PTPRD: variants seen among roughly 807,000 people sequenced by gnomAD.
PTPRD encodes the protein protein tyrosine phosphatase receptor type D.
In PTPRD, 34 loss-of-function variants were observed where a neutral mutation model predicts 214.5. That is an observed-to-expected ratio of 0.16 (90% confidence interval 0.12 to 0.21). The LOEUF (loss-of-function observed/expected upper bound fraction) is 0.21. Ranked by LOEUF, PTPRD falls within the 10% of genes least tolerant of loss-of-function variation. The pLI, the probability that PTPRD is intolerant of heterozygous loss-of-function variation, is 1.00. For synonymous variants in PTPRD, 1,128 were observed against 845.7 expected, an observed-to-expected ratio of 1.33 and a Z score of -5.79; for missense variants, 2,545 against 2,398.7, an observed-to-expected ratio of 1.06 and a Z score of -1.27.
intron 44 of PTPRD, among the ~76,000 whole-genome samples, chr9:8,324,337 G>A (rs1316584332): frequency 1.3e-5 from 2 of 151,608 alleles, no homozygotes; most frequent in Non-Finnish European, 1.5e-5. Context: ...ACTTATAAGT[G>A]AGAATATGCG....
At chr9:9,049,541 G>C (rs951428510) in intron 10 of PTPRD, among the ~76,000 whole-genome samples, 1 of 152,160 alleles carries the variant, frequency 6.6e-6, no homozygotes, top group Non-Finnish European at 1.5e-5. Flanking sequence ...ATGGGATGTG[G>C]AGGTTGCTAA....
chr9:9,615,798 C>T (rs754041609), intron 7 of PTPRD, among the ~76,000 whole-genome samples: 17 of 152,084 alleles, frequency 1.1e-4, no homozygotes, highest in Non-Finnish European at 1.2e-4. Context: ...TTATAATCCA[C>T]ATTTTACAGA....
chr9:9,311,989 C>A (rs899256876), intron 9 of PTPRD, among the ~76,000 whole-genome samples: 4 of 152,180 alleles, frequency 2.6e-5, no homozygotes. Flanking sequence ...GCAATATACA[C>A]TGCAGTTTTA....
At chr9:9,897,977 T>C (rs1390769363) in intron 5 of PTPRD, among the ~76,000 whole-genome samples, 1 of 151,578 alleles carries the variant, frequency 6.6e-6, no homozygotes, top group Admixed American at 6.6e-5. Flanking sequence ...AGCATGGCTA[T>C]GTTTAAATAA....
At chr9:9,543,532 GAT>G (rs1171141459) in intron 8 of PTPRD, among the ~76,000 whole-genome samples, 3 of 151,392 alleles carry the variant, frequency 2.0e-5, no homozygotes, top group African/African-American at 7.3e-5. Flanking sequence ...ATTGACTTAA[GAT>G]TTACTAAGTT....
intron 7 of PTPRD, among the ~76,000 whole-genome samples, chr9:9,671,428 G>A (rs1341457486): frequency 1.4e-5 from 2 of 142,494 alleles, no homozygotes; most frequent in Admixed American, 6.9e-5. Context: ...GGACTTTTAG[G>A]TTAATGCTGA....
At chr9:9,614,849 G>A (rs183508146) in intron 7 of PTPRD, among the ~76,000 whole-genome samples, 3 of 152,242 alleles carry the variant, frequency 2.0e-5, no homozygotes, top group East Asian at 1.9e-4. Context: ...CTCTGCATTC[G>A]TTAGGCATAT....
intron 4 of PTPRD, among the ~76,000 whole-genome samples, chr9:9,973,243 G>C (rs2095212946): frequency 6.7e-6 from 1 of 150,080 alleles, no homozygotes; most frequent in East Asian, 2.0e-4. Context: ...CGGGAGGATT[G>C]CTTGAGCTCA....
At chr9:8,519,557 T>A (rs999239787) in intron 20 of PTPRD, among the ~76,000 whole-genome samples, 1 of 152,106 alleles carries the variant, frequency 6.6e-6, no homozygotes, top group Non-Finnish European at 1.5e-5. Context: ...TAACACCCCC[T>A]AGAATGGCAG....
At chr9:9,757,915 A>G (rs971694273) in intron 6 of PTPRD, among the ~76,000 whole-genome samples, 1 of 151,932 alleles carries the variant, frequency 6.6e-6, no homozygotes, top group Non-Finnish European at 1.5e-5. Context: ...AGCCCAAGTG[A>G]AGCCATTTCC....
At chr9:10,050,314 C>T (rs1259120691) in intron 3 of PTPRD, among the ~76,000 whole-genome samples, 1 of 151,556 alleles carries the variant, frequency 6.6e-6, no homozygotes, top group Non-Finnish European at 1.5e-5. Flanking sequence ...AATCCTAGCA[C>T]TTTGGGAGGC....
intron 10 of PTPRD, among the ~76,000 whole-genome samples, chr9:9,022,225 A>T (rs2099572383): frequency 6.6e-6 from 1 of 152,102 alleles, no homozygotes; most frequent in Non-Finnish European, 1.5e-5. Flanking sequence ...AAAATATTTT[A>T]AAATGCATTT....
chr9:9,502,789 A>G (rs559899397), intron 8 of PTPRD, among the ~76,000 whole-genome samples: 6 of 152,054 alleles, frequency 3.9e-5, no homozygotes, highest in African/African-American at 1.2e-4. Flanking sequence ...TATACATCCT[A>G]AAAACATTAT....
At chr9:8,692,323 C>G (rs985335784) in intron 12 of PTPRD, among the ~76,000 whole-genome samples, 13 of 152,152 alleles carry the variant, frequency 8.5e-5, no homozygotes, top group Admixed American at 7.9e-4. Context: ...TCCATGTAGA[C>G]TTAAAGACTC....
chr9:10,367,829 G>T (rs1454620552), intron 2 of PTPRD, among the ~76,000 whole-genome samples: 1 of 152,056 alleles, frequency 6.6e-6, no homozygotes, highest in African/African-American at 2.4e-5. Context: ...ATTGGAACTT[G>T]TAGGAAAGTA....
chr9:8,566,100 A>ATGCGTGTGTGTGTGTGTGTGTG (rs2088981686), intron 14 of PTPRD, among the ~76,000 whole-genome samples: 1 of 137,814 alleles, frequency 7.3e-6, no homozygotes, highest in Non-Finnish European at 1.5e-5. Context: ...AATGCAAAAT[A>ATGCGTGTGTGTGTGTGTGTGTG]TGTGTGTGTG....
At chr9:8,900,389 A>G (rs915471011) in intron 11 of PTPRD, among the ~76,000 whole-genome samples, 5 of 152,222 alleles carry the variant, frequency 3.3e-5, no homozygotes, top group African/African-American at 1.2e-4. Flanking sequence ...AAGAGTTTTA[A>G]TTGCTCATCT....
In PTPRD at chr9:8,317,038, C is replaced by CAAAA. The variant is rs762266334; in HGVS notation, c.*832_*835dup. 6.5e-5 allele frequency: 15 copies of CAAAA among 231,366 alleles called. No homozygotes were observed. Among genetic ancestry groups the CAAAA allele is most frequent in the Non-Finnish European group, 1.3e-4 (15 of 116,760 alleles). The allele number at this position is 231,366 out of a possible 1,614,324, so 14.3% of individuals were successfully genotyped here. ...CTCCCTGTTGATTCCAAAAACAAAA[C>CAAAA]AAAATAATAATTATCTTTGATTATT... On this transcript the variant is annotated 3_prime_UTR_variant, in exon 46 of 46. Coordinates refer to ENST00000381196, the MANE Select transcript of PTPRD (RefSeq NM_002839.4).
intron 3 of PTPRD, among the ~76,000 whole-genome samples, chr9:10,189,818 A>G (rs953371407): frequency 1.3e-5 from 2 of 152,134 alleles, no homozygotes; most frequent in Non-Finnish European, 2.9e-5. Context: ...AGACTCAAAG[A>G]AGGAGTAGGA....
Sources: gnomAD v4.1 joint callset for allele counts (sites outside exome capture counted in the v4.1 genomes callset) on GRCh38, gnomAD v4.1.1 for gene constraint, MANE v1.5 for transcripts, NCBI Gene and HGNC (gene_info 2026-07-23, HGNC 2026-07-21) for gene names.